Variants in UNC13C observed in about 807,000 individuals in gnomAD.
UNC13C encodes the protein unc-13 homolog C.
A neutral mutation model predicts 245.4 loss-of-function variants in UNC13C; 174 were observed. That is an observed-to-expected ratio of 0.71 (90% confidence interval 0.63 to 0.80). The LOEUF is 0.80. Ranked by LOEUF, UNC13C falls within the 30% of genes least tolerant of loss-of-function variation. The pLI is 0.00. For synonymous variants in UNC13C, 992 were observed against 895.1 expected, an observed-to-expected ratio of 1.11 and a Z score of -1.93; for missense variants, 2,829 against 2,602.9, an observed-to-expected ratio of 1.09 and a Z score of -1.89.
intron 19 of UNC13C, among the ~76,000 whole-genome samples, chr15:54,455,038 T>C (rs1023414168): frequency 2.0e-5 from 3 of 151,248 alleles, no homozygotes. Context: ...CTCCCACTTA[T>C]AAGTGAGAAC....
intron 2 of UNC13C, among the ~76,000 whole-genome samples, chr15:54,065,177 C>T (rs892295420): frequency 8.5e-5 from 13 of 152,124 alleles, no homozygotes; most frequent in African/African-American, 2.9e-4. Context: ...GAGATAAACA[C>T]CAGGTAAAGT....
intron 19 of UNC13C, among the ~76,000 whole-genome samples, chr15:54,441,736 G>T (rs1202745708): frequency 1.3e-5 from 2 of 151,688 alleles, no homozygotes; most frequent in Admixed American, 6.6e-5. Context: ...AAACTACGTT[G>T]GTATTTTAAT....
chr15:53,977,094 T>C (rs553222497), upstream of UNC13C, among the ~76,000 whole-genome samples: 1 of 152,302 alleles, frequency 6.6e-6, no homozygotes, highest in African/African-American at 2.4e-5. Flanking sequence ...TTGCCCCTGA[T>C]GCAGATCATT....
chr15:54,461,726 G>A (rs1891857131), intron 19 of UNC13C, among the ~76,000 whole-genome samples: 1 of 152,162 alleles, frequency 6.6e-6, no homozygotes, highest in Admixed American at 6.5e-5. Flanking sequence ...TTAGATAATA[G>A]TATGAGTAGG....
At chr15:54,167,590 G>A (rs2033221297) in intron 4 of UNC13C, among the ~76,000 whole-genome samples, 1 of 96,498 alleles carries the variant, frequency 1.0e-5, no homozygotes, top group Non-Finnish European at 2.0e-5. Context: ...GAAAGAATGA[G>A]TATCCAAATA....
chr15:54,067,385 A>T (rs1421779112), intron 2 of UNC13C, among the ~76,000 whole-genome samples: 1 of 152,156 alleles, frequency 6.6e-6, no homozygotes, highest in Non-Finnish European at 1.5e-5. Flanking sequence ...TATTTAATTA[A>T]CATCTTATGT....
intron 4 of UNC13C, among the ~76,000 whole-genome samples, chr15:54,220,283 C>T (rs2035182185): frequency 6.7e-6 from 1 of 150,202 alleles, no homozygotes; most frequent in Non-Finnish European, 1.5e-5. Context: ...ATGATGAGTT[C>T]ATGTCCTTTG....
intron 10 of UNC13C, among the ~76,000 whole-genome samples, chr15:54,267,653 T>C (rs2036580469): frequency 6.6e-6 from 1 of 152,000 alleles, no homozygotes; most frequent in Non-Finnish European, 1.5e-5. Context: ...TGCTTCTCTG[T>C]GTATAACATA....
intron 24 of UNC13C, among the ~76,000 whole-genome samples, chr15:54,524,387 G>A (rs1895355938): frequency 6.6e-6 from 1 of 152,184 alleles, no homozygotes; most frequent in Non-Finnish European, 1.5e-5. Context: ...GAGGGCAGAA[G>A]CTAACCAATC....
In UNC13C at chr15:54,541,627, A is replaced by G. The variant is rs542906327; in HGVS notation, c.5697-5095A>G. On this transcript the variant is annotated intron_variant, in intron 26 of 32. Transcript: ENST00000260323. ...AAGAGTCAAACTTTGAATCTAACTT[A>G]CTAGCTTCACTTCCGTGGACAAGTA... 2.3e-4 allele frequency among the ~76,000 whole-genome samples: 35 copies of G among 152,200 alleles called. 1 individual carries two copies. The Middle Eastern group carries it at 0.014, about 59-fold the overall frequency.
chr15:54,447,687 T>C (rs1890897119), intron 19 of UNC13C, among the ~76,000 whole-genome samples: 3 of 151,752 alleles, frequency 2.0e-5, no homozygotes, highest in Non-Finnish European at 4.4e-5. Flanking sequence ...CTCTTGCTAG[T>C]GGTCTATCAA....
chr15:54,556,187 G>C (rs1897082528), intron 29 of UNC13C, among the ~76,000 whole-genome samples: 1 of 151,982 alleles, frequency 6.6e-6, no homozygotes, highest in Non-Finnish European at 1.5e-5. Context: ...AGATGAGTTT[G>C]TCTTCTAAAT....
chr15:53,975,220 A>G (rs1202702985), upstream of UNC13C, among the ~76,000 whole-genome samples: 1 of 152,258 alleles, frequency 6.6e-6, no homozygotes, highest in East Asian at 1.9e-4. Context: ...CGTGTGTTTT[A>G]CTACCATGTA....
intron 13 of UNC13C, among the ~76,000 whole-genome samples, chr15:54,307,064 A>G (rs1448287413): frequency 6.6e-6 from 1 of 152,024 alleles, no homozygotes; most frequent in Non-Finnish European, 1.5e-5. Context: ...CCCACATTCT[A>G]GAAGATGAAA....
rs115731614 is a variant in UNC13C, at chr15:54,297,287, C to G, written c.3989-524C>G. Among the ~76,000 whole-genome samples, 456 of 152,174 alleles carry G rather than the reference C, an allele frequency of 3.0e-3. 2 individuals carry two copies. The highest frequency in any genetic ancestry group is 0.011 in the African/African-American group (438 of 41,522). Reference sequence around the variant, plus strand: ...TTTTATTTGGAATATCTGTAAGACGCTTGATAATTACAATACCACAATAGG... The same window carrying G: ...TTTTATTTGGAATATCTGTAAGACGGTTGATAATTACAATACCACAATAGG... On this transcript the variant is annotated intron_variant, in intron 11 of 32. Coordinates refer to ENST00000260323, the MANE Select transcript of UNC13C (RefSeq NM_001080534.3).
At chr15:54,393,787 A>G (rs142848293) in intron 18 of UNC13C, among the ~76,000 whole-genome samples, 33 of 151,924 alleles carry the variant, frequency 2.2e-4, no homozygotes, top group African/African-American at 7.5e-4. Flanking sequence ...CAAATTATCT[A>G]ATTTCCCTGG....
intron 14 of UNC13C, among the ~76,000 whole-genome samples, chr15:54,326,698 G>C (rs143757426): frequency 1.1e-4 from 16 of 152,116 alleles, no homozygotes; most frequent in Middle Eastern, 6.8e-3. Context: ...AGAGACAGAG[G>C]ATTGTGGGAG....
intron 19 of UNC13C, among the ~76,000 whole-genome samples, chr15:54,433,860 A>G (rs2140979182): frequency 6.6e-6 from 1 of 152,236 alleles, no homozygotes; most frequent in South Asian, 2.1e-4. Flanking sequence ...AAATTCCTCA[A>G]GCTGATAAGC....
At chr15:54,434,926 A>T (rs1380264640) in intron 19 of UNC13C, among the ~76,000 whole-genome samples, 2 of 152,194 alleles carry the variant, frequency 1.3e-5, no homozygotes, top group Admixed American at 1.3e-4. Context: ...AATGGATATG[A>T]ACAGATATTT....
Sources: allele counts gnomAD v4.1 joint callset (sites outside exome capture counted in the v4.1 genomes callset), GRCh38; gene constraint gnomAD v4.1.1; transcripts MANE v1.5; gene names NCBI Gene and HGNC (gene_info 2026-07-23, HGNC 2026-07-21).